RYR3: variants seen among roughly 807,000 people sequenced by gnomAD.
The protein encoded by RYR3 is brain ryanodine receptor-calcium release channel.
Under a neutral mutation model 584.3 loss-of-function variants are expected in RYR3, and 207 were observed. That is an observed-to-expected ratio of 0.35 (90% CI 0.32 to 0.40). The LOEUF is 0.40. Among genes scored for constraint, RYR3 ranks in the 10% least tolerant of loss-of-function variants. The pLI is 1.00. For missense variants in RYR3, 5,616 were observed against 6,089.2 expected (o/e 0.92, Z 2.59); for synonymous variants, 2,416 against 2,248.5 (o/e 1.07, Z -2.11).
chr15:33,373,025 C>T (rs1466866462), intron 1 of RYR3, among the ~76,000 whole-genome samples: 2 of 152,196 alleles, frequency 1.3e-5, no homozygotes, highest in African/African-American at 2.4e-5. Context: ...GGCAGGGACA[C>T]CATCTCATAC....
At chr15:33,836,662 C>A (rs1311200985) in intron 87 of RYR3, among the ~76,000 whole-genome samples, 1 of 152,184 alleles carries the variant, frequency 6.6e-6, no homozygotes, top group Non-Finnish European at 1.5e-5. Flanking sequence ...GGTATATCTG[C>A]CACATTGTAC....
At chr15:33,450,372 G>A (rs921489125) in intron 1 of RYR3, among the ~76,000 whole-genome samples, 1 of 152,236 alleles carries the variant, frequency 6.6e-6, no homozygotes, top group South Asian at 2.1e-4. Flanking sequence ...GAGAGGGCAG[G>A]GACTGGATGC....
rs1163255155 is a variant in RYR3, at chr15:33,789,622, TTTTATATATA to T, written c.9830+1166_9830+1175del. ...GTTATATGCATGTTACCAGGTTTTA[TTTTATATATA>T]TATATATATATATATATATATATAT... On this transcript the variant is annotated intron_variant, in intron 67 of 103. Transcript: ENST00000634891. Among the ~76,000 whole-genome samples the T allele has an allele frequency of 1.1e-3, 35 of 32,384 alleles. 2 individuals are homozygous for T. Among genetic ancestry groups the T allele is most frequent in the South Asian group, 2.5e-3 (1 of 402 alleles). 21.2% of individuals were successfully genotyped at this position (32,384 alleles called of 152,430 possible).
intron 1 of RYR3, among the ~76,000 whole-genome samples, chr15:33,314,933 A>C (rs2339265): frequency 0.26 from 12,126 of 46,698 alleles, 890 homozygotes; most frequent in African/African-American, 0.43. Flanking sequence ...AAACAACAAA[A>C]AAAAAAACCA....
chr15:33,836,122 CT>C (rs11364460), intron 87 of RYR3, among the ~76,000 whole-genome samples: 65,828 of 140,252 alleles, frequency 0.47, 17,023 homozygotes, highest in Non-Finnish European at 0.61. Flanking sequence ...TTTTTGGTTT[CT>C]TTTTTTTTTT....
chr15:33,447,085 A>G (rs905737934), intron 1 of RYR3, among the ~76,000 whole-genome samples: 2 of 152,256 alleles, frequency 1.3e-5, no homozygotes, highest in Non-Finnish European at 2.9e-5. Flanking sequence ...GCCGTTTTCA[A>G]CTTTGCATTC....
chr15:33,620,582 AG>A (rs1364633117), intron 19 of RYR3, among the ~76,000 whole-genome samples: 1 of 152,236 alleles, frequency 6.6e-6, no homozygotes, highest in Non-Finnish European at 1.5e-5. Flanking sequence ...TCATATACTC[AG>A]ATAATTAAAA....
intron 67 of RYR3, among the ~76,000 whole-genome samples, chr15:33,794,323 T>A (rs1469207650): frequency 1.1e-4 from 9 of 85,526 alleles, no homozygotes; most frequent in East Asian, 1.0e-3. Context: ...ATATATATAT[T>A]TTTATATATG....
At chr15:33,862,226 G>C (rs1014403452) in intron 102 of RYR3, among the ~76,000 whole-genome samples, 6 of 152,012 alleles carry the variant, frequency 3.9e-5, no homozygotes, top group Non-Finnish European at 8.8e-5. Context: ...CTCATCTTTC[G>C]AGATAGATAG....
At chr15:33,344,678 A>C (rs1972227535) in intron 1 of RYR3, among the ~76,000 whole-genome samples, 1 of 152,128 alleles carries the variant, frequency 6.6e-6, no homozygotes. Context: ...AAAACCCCTG[A>C]TGAGTATAAT....
At chr15:33,611,562 GA>G (rs141574591) in intron 18 of RYR3, among the ~76,000 whole-genome samples, 25,112 of 148,502 alleles carry the variant, frequency 0.17, 2,091 homozygotes, top group Middle Eastern at 0.23. Context: ...TCTCCAAAAA[GA>G]AAAAAAAATG....
chr15:33,706,850 T>C, intron 42 of RYR3, 69 bp from the exon 43 acceptor site: 1 of 1,441,994 alleles, frequency 6.9e-7, no homozygotes, highest in Non-Finnish European at 9.4e-7. Flanking sequence ...ACTTGTTATT[T>C]TTTGAGGTGT....
intron 1 of RYR3, among the ~76,000 whole-genome samples, chr15:33,442,042 C>G (rs2046270131): frequency 6.6e-6 from 1 of 152,134 alleles, no homozygotes; most frequent in African/African-American, 2.4e-5. Flanking sequence ...AGTCCGTTAC[C>G]TATAAGATGA....
chr15:33,486,773 G>A (rs374122748), intron 2 of RYR3, among the ~76,000 whole-genome samples: 47 of 152,188 alleles, frequency 3.1e-4, no homozygotes, highest in African/African-American at 1.1e-3. Context: ...CCCACCTTGT[G>A]AGCCTGAGTT....
chr15:33,761,975 A>T (rs528643318), intron 60 of RYR3, among the ~76,000 whole-genome samples: 1 of 152,302 alleles, frequency 6.6e-6, no homozygotes, highest in South Asian at 2.1e-4. Flanking sequence ...AACAAACATA[A>T]TCCATCACAT....
chr15:33,685,699 A>T (rs892286082), intron 38 of RYR3, among the ~76,000 whole-genome samples: 7 of 152,142 alleles, frequency 4.6e-5, no homozygotes, highest in African/African-American at 1.7e-4. Flanking sequence ...GAAATAATGC[A>T]CTCCTCAGCA....
chr15:33,788,573 C>A, intron 67 of RYR3, 115 bp downstream of exon 67: 1 of 1,162,080 alleles, frequency 8.6e-7, no homozygotes, highest in Non-Finnish European at 1.2e-6. Context: ...GAGGCGATAG[C>A]CGCCCCCACC....
intron 10 of RYR3, among the ~76,000 whole-genome samples, chr15:33,557,031 C>A (rs967091): frequency 0.83 from 127,080 of 152,214 alleles, 53,595 homozygotes; most frequent in Middle Eastern, 0.94. Flanking sequence ...TGGTACAATT[C>A]ATTAGTTAAC....
In RYR3 at chr15:33,757,602, T is replaced by G. The variant is rs752851278; in HGVS notation, c.8705+6T>G. The stretch of plus-strand genomic sequence containing the variant: ...GAGAAAGAAATGGTGGCCGGGTGAG[T>G]CTACAAGATAAAGGGAAGGTGATGG... On this transcript the variant is annotated splice_donor_region_variant and intron_variant, in intron 60 of 103. Transcript: ENST00000634891. The G allele has an allele frequency of 6.2e-7, 1 of 1,608,484 alleles. No individual in the cohort carries two copies. Among genetic ancestry groups the G allele is most frequent in the South Asian group, 1.1e-5 (1 of 89,396 alleles).
Sources: gnomAD v4.1 joint callset for allele counts (sites outside exome capture counted in the v4.1 genomes callset) on GRCh38, gnomAD v4.1.1 for gene constraint, MANE v1.5 for transcripts, NCBI Gene and HGNC (gene_info 2026-07-23, HGNC 2026-07-21) for gene names.